Variants in GKAP1 observed in about 807,000 individuals in gnomAD.
GKAP1 encodes G kinase anchoring protein 1.
GKAP1 carries 31 observed loss-of-function variants against 56.7 expected under a neutral mutation model. The ratio of observed to expected loss-of-function variants is 0.55; its 90% CI spans 0.41 to 0.74. The LOEUF (loss-of-function observed/expected upper bound fraction) is 0.74. Ranked by LOEUF, GKAP1 falls within the 30% of genes least tolerant of loss-of-function variation. GKAP1 has a pLI of 0.00. For synonymous variants in GKAP1, 151 were observed against 138.6 expected (o/e 1.09, Z -0.63); for missense variants, 364 against 402.3 (o/e 0.90, Z 0.82).
rs972306687 is a variant in GKAP1 at position 83,762,929 on chromosome 9, C to T, written c.738+5889G>A. Among the ~76,000 whole-genome samples, 3 of 152,170 alleles carry T rather than the reference C, an allele frequency of 2.0e-5. No individual in the cohort carries two copies. The South Asian group carries it at 6.2e-4, about 31-fold the overall frequency. ...TGGAGCTACCACATGATCCAACAATCCTGCTGGGTATATACCCGAAAGAAA... is the reference window on the plus strand; with the variant it reads ...TGGAGCTACCACATGATCCAACAATTCTGCTGGGTATATACCCGAAAGAAA... On this transcript the variant is annotated intron_variant, in intron 8 of 12. Transcript: ENST00000376371.
chr9:83,814,038 G>A (rs1944548132), intron 2 of GKAP1, among the ~76,000 whole-genome samples: 1 of 152,086 alleles, frequency 6.6e-6, no homozygotes, highest in Non-Finnish European at 1.5e-5. Flanking sequence ...GGTCGAGGCT[G>A]TAGTGAGCAG....
chr9:83,753,960 A>C lies in GKAP1; in HGVS notation c.739-601T>G, dbSNP rs576291011. Among the ~76,000 whole-genome samples the C allele has an allele frequency of 2.6e-5, 4 of 152,330 alleles. No homozygotes were observed. The East Asian group carries it at 7.7e-4, about 29-fold the overall frequency. On this transcript the variant is annotated intron_variant, in intron 8 of 12. Coordinates refer to ENST00000376371, the MANE Select transcript of GKAP1 (RefSeq NM_025211.4). ...ATAACATTTCAATAGAAATCCCAAT[A>C]GGATGTTGTTCTTTGGAACTTAAAA...
intron 7 of GKAP1, among the ~76,000 whole-genome samples, chr9:83,779,063 C>G (rs1403339933): frequency 6.6e-6 from 1 of 151,842 alleles, no homozygotes; most frequent in African/African-American, 2.4e-5. Flanking sequence ...GCAGGTACAC[C>G]ATGTGTATCT....
At chr9:83,781,846 C>CCTT (rs1943977884) in intron 6 of GKAP1, among the ~76,000 whole-genome samples, 1 of 138,028 alleles carries the variant, frequency 7.2e-6, no homozygotes, top group Admixed American at 7.5e-5. Context: ...TGTATTTCTT[C>CCTT]TTTTTTTTTT....
chr9:83,778,662 T>A (rs534331832), intron 7 of GKAP1, among the ~76,000 whole-genome samples: 1 of 152,014 alleles, frequency 6.6e-6, no homozygotes, highest in South Asian at 2.1e-4. Context: ...TTTACCTATA[T>A]AATAAACCTA....
At chr9:83,788,466 G>A (rs59948934) in intron 5 of GKAP1, 135 bp downstream of exon 5, 112,034 of 545,650 alleles carry the variant, frequency 0.21, 12,696 homozygotes, top group Non-Finnish European at 0.24. Flanking sequence ...AACACTTCTT[G>A]GTAATATTTT....
chr9:83,778,128 A>G (rs1406119532), intron 7 of GKAP1, among the ~76,000 whole-genome samples: 1 of 152,204 alleles, frequency 6.6e-6, no homozygotes, highest in Non-Finnish European at 1.5e-5. Flanking sequence ...CCACTGTGGA[A>G]AGCAGTGTGG....
rs11140236 is a variant in GKAP1, at chr9:83,752,978, G to A, written c.840+280C>T. Among the ~76,000 whole-genome samples the A allele has an allele frequency of 0.55, 82,909 of 151,484 alleles. 23,602 individuals are homozygous for A. Among genetic ancestry groups the A allele is most frequent in the Admixed American group, 0.69 (10,510 of 15,214 alleles). ...CCCAGCTACTCAGGGCAGGAGAATC[G>A]CTTGAACCCAGGCGGAGGTTGCACC... On this transcript the variant is annotated intron_variant, in intron 9 of 12. Coordinates refer to ENST00000376371, the MANE Select transcript of GKAP1 (RefSeq NM_025211.4).
intron 7 of GKAP1, among the ~76,000 whole-genome samples, chr9:83,777,745 G>A (rs998162515): frequency 2.6e-4 from 40 of 152,040 alleles, no homozygotes; most frequent in Admixed American, 1.3e-3. Context: ...ATATATTAAA[G>A]ATGGAATGAA....
intron 3 of GKAP1, among the ~76,000 whole-genome samples, chr9:83,805,489 A>C (rs924830787): frequency 2.6e-5 from 4 of 151,938 alleles, no homozygotes; most frequent in East Asian, 1.9e-4. Context: ...TAAAAAAAAA[A>C]CCATGTAATT....
At chr9:83,755,096 G>A (rs1289137220) in intron 8 of GKAP1, among the ~76,000 whole-genome samples, 2 of 152,096 alleles carry the variant, frequency 1.3e-5, no homozygotes, top group Non-Finnish European at 2.9e-5. Flanking sequence ...AGGTGAGTAG[G>A]TCAAAATTAG....
chr9:83,782,105 G>T (rs1943983852), intron 6 of GKAP1, among the ~76,000 whole-genome samples: 1 of 151,542 alleles, frequency 6.6e-6, no homozygotes, highest in Non-Finnish European at 1.5e-5. Context: ...GCCTCCCAAA[G>T]TGCTGGGATT....
chr9:83,744,897 T>C (rs1943266706), intron 10 of GKAP1, among the ~76,000 whole-genome samples: 1 of 152,156 alleles, frequency 6.6e-6, no homozygotes, highest in Non-Finnish European at 1.5e-5. Flanking sequence ...GGAAGCCTCT[T>C]ATAACACCAT....
rs201549185 is a variant in GKAP1 at position 83,814,512 on chromosome 9, C to T, written c.-44+2484G>A. The stretch of plus-strand genomic sequence containing the variant: ...TAAACTTACTATTATTGAATGGACT[C>T]CAAAAAAATTCTCTTTATTGTTGTG... On this transcript the variant is annotated intron_variant, in intron 2 of 12. Transcript: ENST00000376371. 5.9e-5 allele frequency among the ~76,000 whole-genome samples: 9 copies of T among 152,144 alleles called. No homozygotes were observed. In the East Asian group the frequency reaches 1.7e-3, roughly 29 times the overall value.
intron 6 of GKAP1, among the ~76,000 whole-genome samples, chr9:83,782,042 CTG>C (rs1473351060): frequency 1.3e-5 from 2 of 151,990 alleles, no homozygotes; most frequent in African/African-American, 4.8e-5. Context: ...ATCGGTTTCA[CTG>C]TGTTAGCCAG....
intron 8 of GKAP1, among the ~76,000 whole-genome samples, chr9:83,762,445 A>G (rs1943589731): frequency 6.6e-6 from 1 of 152,182 alleles, no homozygotes. Context: ...CATGGGTTAG[A>G]AGAATGAATA....
intron 7 of GKAP1, among the ~76,000 whole-genome samples, chr9:83,776,344 A>C (rs1379512386): frequency 6.6e-6 from 1 of 152,196 alleles, no homozygotes; most frequent in African/African-American, 2.4e-5. Flanking sequence ...GATTTATTTA[A>C]AGCTAGATTA....
chr9:83,803,764 T>C (rs1425549305), intron 3 of GKAP1, among the ~76,000 whole-genome samples: 3 of 145,968 alleles, frequency 2.1e-5, no homozygotes, highest in Non-Finnish European at 3.0e-5. Context: ...GTCTGGAAAG[T>C]GAGGAGCGTC....
chr9:83,741,332 T>A (rs1943202571), intron 12 of GKAP1, among the ~76,000 whole-genome samples: 1 of 147,426 alleles, frequency 6.8e-6, no homozygotes, highest in South Asian at 2.2e-4. Flanking sequence ...TAGAAACACA[T>A]ATATATACAC....
Sources: allele counts gnomAD v4.1 joint callset (sites outside exome capture counted in the v4.1 genomes callset), GRCh38; gene constraint gnomAD v4.1.1; transcripts MANE v1.5; gene names NCBI Gene and HGNC (gene_info 2026-07-23, HGNC 2026-07-21).